The following SMC6 variants were observed in gnomAD, a reference collection of about 807,000 sequenced individuals.
SMC6 encodes structural maintenance of chromosomes 6.
A neutral mutation model predicts 142.2 loss-of-function variants in SMC6; 79 were observed. The ratio of observed to expected loss-of-function variants is 0.56; its 90% CI spans 0.46 to 0.67. The LOEUF is 0.67. Ranked by LOEUF, SMC6 falls within the 30% of genes least tolerant of loss-of-function variation. SMC6 has a pLI of 0.00. For missense variants in SMC6, 1,072 were observed against 1,284.0 expected, an observed-to-expected ratio of 0.83 and a Z score of 2.52; for synonymous variants, 411 against 412.4, an observed-to-expected ratio of 1.00 and a Z score of 0.04.
In SMC6 at chr2:17,741,620, T is replaced by C. The variant is rs1382520743; in HGVS notation, c.230A>G (p.Asn77Ser). 1 of 1,603,120 alleles carries C rather than the reference T, an allele frequency of 6.2e-7. No individual in the cohort carries two copies. The highest frequency in any genetic ancestry group is 8.5e-7 in the Non-Finnish European group (1 of 1,174,180). The change falls in exon 4 of 28, where the codon AAC becomes AGC. Residue 77 changes from asparagine to serine, a missense_variant. This residue lies in a region of SMC6 where 994 missense variants were observed against 1,153.2 expected (regional missense o/e 0.86). Coordinates refer to ENST00000448223, the MANE Select transcript of SMC6 (RefSeq NM_001142286.2). ...AGGGAAAAAACACTTACTTCCATTG[T>C]TGCCAACAACAAAGTTGACATTAGA... is the stretch of plus-strand genomic sequence containing the variant. ...FGSNVNFVVG[N>S]NGSGKSAVLT...
chr2:17,727,760 G>A lies in SMC6; in HGVS notation c.544-1291C>T, dbSNP rs372790518. Among the ~76,000 whole-genome samples, 6 of 152,188 alleles carry A rather than the reference G, an allele frequency of 3.9e-5. No individual in the cohort carries two copies. The East Asian group carries it at 5.8e-4, about 15-fold the overall frequency. On this transcript the variant is annotated intron_variant, in intron 7 of 27. Transcript: ENST00000448223. ...ATGAAAAACACTTTAAACCCTTCAT[G>A]TTCACTGTCTACAAAATAAATATTG...
At chr2:17,752,455 A>T (rs2125102155) in intron 2 of SMC6, among the ~76,000 whole-genome samples, 1 of 152,276 alleles carries the variant, frequency 6.6e-6, no homozygotes, top group Non-Finnish European at 1.5e-5. Flanking sequence ...TGATAACTGT[A>T]TTATTTCTTC....
chr2:17,694,726 T>C (rs1341670036), intron 23 of SMC6, among the ~76,000 whole-genome samples: 1 of 150,952 alleles, frequency 6.6e-6, no homozygotes, highest in East Asian at 1.9e-4. Flanking sequence ...ACCTGTGCTC[T>C]AATTATCAAG....
chr2:17,731,171 C>T lies in SMC6; in HGVS notation c.482-32G>A, dbSNP rs748085817. 3.3e-6 allele frequency: 5 copies of T among 1,506,216 alleles called. No homozygotes were observed. The African/African-American group carries it at 6.9e-5, about 21-fold the overall frequency. 93.3% of individuals were successfully genotyped at this position (1,506,216 alleles called of 1,614,324 possible). A position where few individuals can be genotyped will look rare whatever the true frequency, so the allele number is the denominator to read the frequency against. ...ATAAGAAACATATGAAATAACCAAACTGTTTCTAGGGCATAACACAGAAAA... is the reference window on the plus strand; with the variant it reads ...ATAAGAAACATATGAAATAACCAAATTGTTTCTAGGGCATAACACAGAAAA... On this transcript the variant is annotated intron_variant, in intron 6 of 27. Coordinates refer to ENST00000448223, the MANE Select transcript of SMC6 (RefSeq NM_001142286.2).
chr2:17,747,213 T>A (rs1357073795), intron 2 of SMC6, among the ~76,000 whole-genome samples: 3 of 152,182 alleles, frequency 2.0e-5, no homozygotes, highest in African/African-American at 7.2e-5. Context: ...GGAGGCCTAG[T>A]GGAAAGTCGG....
At chr2:17,703,322 C>A (rs1294903982) in intron 18 of SMC6, 30 bp from the exon 19 acceptor site, 1 of 1,565,466 alleles carries the variant, frequency 6.4e-7, no homozygotes, top group Non-Finnish European at 8.6e-7. Flanking sequence ...ATAGAAAATA[C>A]TTTAAATCTT....
chr2:17,679,082 G>A (rs1268583354), intron 24 of SMC6, 118 bp from the exon 25 acceptor site: 2 of 619,938 alleles, frequency 3.2e-6, no homozygotes. Context: ...TGTAAACATT[G>A]GTTACTCATT....
chr2:17,712,838 C>T (rs1668896077), intron 16 of SMC6, among the ~76,000 whole-genome samples: 1 of 152,216 alleles, frequency 6.6e-6, no homozygotes, highest in Non-Finnish European at 1.5e-5. Flanking sequence ...GTTAGACATA[C>T]TCAAGACTCT....
At chr2:17,688,081 G>A (rs922026178) in intron 23 of SMC6, among the ~76,000 whole-genome samples, 6 of 152,244 alleles carry the variant, frequency 3.9e-5, no homozygotes, top group African/African-American at 9.6e-5. Context: ...GGACTGGACT[G>A]CCACTGGAGA....
chr2:17,716,014 T>C lies in SMC6; in HGVS notation c.1525+72A>G, dbSNP rs1466500779. ...ATGAAATCATTTTATTTCGAAAACT[T>C]CATTCAATCGTTCTGAAAATAAAAA... is the stretch of plus-strand genomic sequence containing the variant. On this transcript the variant is annotated intron_variant, in intron 15 of 27. Coordinates refer to ENST00000448223, the MANE Select transcript of SMC6 (RefSeq NM_001142286.2). 6 of 1,134,250 alleles carry C rather than the reference T, an allele frequency of 5.3e-6. No homozygotes were observed. The East Asian group carries it at 1.5e-4, about 29-fold the overall frequency. The allele number at this position is 1,134,250 out of a possible 1,614,324, so 70.3% of individuals were successfully genotyped here.
At chr2:17,682,933 A>G (rs1215598824) in intron 24 of SMC6, among the ~76,000 whole-genome samples, 1 of 151,972 alleles carries the variant, frequency 6.6e-6, no homozygotes, top group Non-Finnish European at 1.5e-5. Context: ...TTTTTGGTGT[A>G]AAGACAGTTT....
intron 7 of SMC6, among the ~76,000 whole-genome samples, chr2:17,729,071 A>C (rs1316232560): frequency 6.6e-6 from 1 of 152,206 alleles, no homozygotes; most frequent in Non-Finnish European, 1.5e-5. Flanking sequence ...TTTTAAATGT[A>C]CTAGTAGCCA....
chr2:17,738,150 G>T (rs1572353584), intron 5 of SMC6, 71 bp downstream of exon 5: 1 of 1,133,992 alleles, frequency 8.8e-7, no homozygotes, highest in Non-Finnish European at 1.3e-6. Flanking sequence ...ATGTCTATGT[G>T]AACTGGGAAT....
At chr2:17,727,895 G>A (rs1669710765) in intron 7 of SMC6, among the ~76,000 whole-genome samples, 1 of 152,128 alleles carries the variant, frequency 6.6e-6, no homozygotes, top group African/African-American at 2.4e-5. Flanking sequence ...AACTTTACAT[G>A]TGACATGTTT....
Position 17,717,177 on chromosome 2 carries a change from C to A in SMC6, c.1093-1G>T. On this transcript the variant is annotated splice_acceptor_variant, in intron 12 of 27. Coordinates refer to ENST00000448223, the MANE Select transcript of SMC6 (RefSeq NM_001142286.2). LOFTEE classifies it high-confidence loss of function. The stretch of plus-strand genomic sequence containing the variant: ...CGTTTAAGGATCGGTTATATAAAAC[C>A]TAACCAAAAAAATTAGACACACTTT... The A allele has an allele frequency of 6.3e-7, 1 of 1,593,110 alleles. No individual in the cohort carries two copies. The highest frequency in any genetic ancestry group is 1.8e-5 in the Admixed American group (1 of 55,312).
chr2:17,723,400 C>T (rs1669468130), intron 9 of SMC6, among the ~76,000 whole-genome samples: 3 of 152,178 alleles, frequency 2.0e-5, no homozygotes, highest in African/African-American at 7.2e-5. Flanking sequence ...TAAGGTCCTC[C>T]ACAACCTGGC....
chr2:17,702,798 C>T (rs956379181), intron 19 of SMC6, among the ~76,000 whole-genome samples: 4 of 152,006 alleles, frequency 2.6e-5, no homozygotes, highest in African/African-American at 7.2e-5. Flanking sequence ...GCTGCCGCCA[C>T]GTAAGATGTG....
chr2:17,735,743 G>T (rs768341513), intron 5 of SMC6, among the ~76,000 whole-genome samples: 2 of 152,214 alleles, frequency 1.3e-5, no homozygotes, highest in Non-Finnish European at 2.9e-5. Flanking sequence ...CTGTGTCACT[G>T]CAAAGGCTTG....
intron 23 of SMC6, among the ~76,000 whole-genome samples, chr2:17,694,001 A>G (rs973123416): frequency 1.6e-4 from 13 of 82,818 alleles, no homozygotes; most frequent in Admixed American, 1.3e-3. Flanking sequence ...ACTCCATCTC[A>G]AAAAAAAAAA....
Sources: allele counts gnomAD v4.1 joint callset (sites outside exome capture counted in the v4.1 genomes callset), GRCh38; gene constraint gnomAD v4.1.1; regional missense constraint gnomAD v4.1.1; transcripts MANE v1.5; gene names NCBI Gene and HGNC (gene_info 2026-07-23, HGNC 2026-07-21).